EGFLAM: variants seen among roughly 807,000 people sequenced by gnomAD.
EGFLAM encodes the protein EGF like, fibronectin type III and laminin G domains.
EGFLAM carries 79 observed loss-of-function variants against 113.1 expected under a neutral mutation model. That is an observed-to-expected ratio of 0.70 (90% CI 0.58 to 0.84). The LOEUF (loss-of-function observed/expected upper bound fraction) is 0.84, where lower values mean the gene tolerates loss of function less well. Ranked by LOEUF, EGFLAM falls within the 40% of genes least tolerant of loss-of-function variation. EGFLAM has a pLI of 0.00. For missense variants in EGFLAM, 1,265 were observed against 1,291.6 expected, an observed-to-expected ratio of 0.98 and a Z score of 0.32; for synonymous variants, 504 against 487.6, an observed-to-expected ratio of 1.03 and a Z score of -0.44.
chr5:38,298,467 C>A (rs546291736), intron 1 of EGFLAM, among the ~76,000 whole-genome samples: 2 of 152,128 alleles, frequency 1.3e-5, no homozygotes, highest in Non-Finnish European at 2.9e-5. Context: ...AGCCCCAATT[C>A]GTTGGATCAT....
intron 1 of EGFLAM, among the ~76,000 whole-genome samples, chr5:38,295,845 T>C (rs905467580): frequency 2.0e-5 from 3 of 152,218 alleles, no homozygotes; most frequent in African/African-American, 4.8e-5. Flanking sequence ...AACTCTATAT[T>C]GTGAAGGCAA....
chr5:38,403,809 G>A, intron 6 of EGFLAM: 1 of 1,613,108 alleles, frequency 6.2e-7, no homozygotes, highest in Non-Finnish European at 8.5e-7. Flanking sequence ...AGAGGAAGGA[G>A]CTGTCCTCAA....
At position 38,463,878 on chromosome 5, in the gene EGFLAM, A is replaced by AGGGCTCGT. The variant is rs1247928710; in HGVS notation, c.2928_2935dup (p.Cys979SerfsTer80). ...TGCACACTAACAGGCAATATATGAG[A>AGGGCTCGT]GGGCTCGTGGGCTGTATCTCTCACT... On this transcript the variant is annotated frameshift_variant, in exon 22 of 22. Transcript: ENST00000322350. LOFTEE classifies it high-confidence loss of function. The AGGGCTCGT allele has an allele frequency of 1.2e-5, 20 of 1,614,096 alleles. No individual in the cohort carries two copies. Among genetic ancestry groups the AGGGCTCGT allele is most frequent in the African/African-American group, 1.3e-5 (1 of 74,942 alleles).
intron 1 of EGFLAM, among the ~76,000 whole-genome samples, chr5:38,284,636 T>C (rs570165308): frequency 1.3e-5 from 2 of 152,326 alleles, no homozygotes; most frequent in East Asian, 1.9e-4. Flanking sequence ...ATCACTGACA[T>C]TGTGAACATT....
At chr5:38,299,403 G>T (rs780359289) in intron 1 of EGFLAM, among the ~76,000 whole-genome samples, 3 of 152,204 alleles carry the variant, frequency 2.0e-5, no homozygotes, top group Non-Finnish European at 2.9e-5. Flanking sequence ...CCAAGGTGAG[G>T]CTTGGCTATG....
At chr5:38,321,765 C>A (rs532796924) in intron 1 of EGFLAM, among the ~76,000 whole-genome samples, 1 of 152,280 alleles carries the variant, frequency 6.6e-6, no homozygotes, top group Admixed American at 6.5e-5. Flanking sequence ...CATTTACAAC[C>A]CAGCTGAGCC....
At chr5:38,301,643 T>G (rs1475527022) in intron 1 of EGFLAM, among the ~76,000 whole-genome samples, 1 of 152,152 alleles carries the variant, frequency 6.6e-6, no homozygotes, top group South Asian at 2.1e-4. Flanking sequence ...AATAGCATTA[T>G]GACATCTTTC....
At chr5:38,462,370 A>T (rs907663562) in intron 20 of EGFLAM, among the ~76,000 whole-genome samples, 1 of 152,090 alleles carries the variant, frequency 6.6e-6, no homozygotes, top group Admixed American at 6.5e-5. Context: ...CCTTCAGGAT[A>T]AATTCTCAAC....
In EGFLAM at chr5:38,438,389, C is replaced by T. The variant is rs200790571; in HGVS notation, c.2398C>T (p.Arg800Trp). ...RAPCAHGGSCRPRKEGYDCDC... is the reference protein window; with the variant it reads ...RAPCAHGGSCWPRKEGYDCDC... Reference sequence around the variant, plus strand: ...CCCTTGTGCCCATGGGGGCAGCTGCCGGCCCAGGAAGGAGGGCTATGACTG... The same window carrying T: ...CCCTTGTGCCCATGGGGGCAGCTGCTGGCCCAGGAAGGAGGGCTATGACTG... The change falls in exon 17 of 22, where the codon CGG becomes TGG. Residue 800 changes from arginine (R) to tryptophan (W), a missense_variant. By Grantham distance (101) the Arg-to-Trp change is moderately radical. Coordinates refer to ENST00000322350, the MANE Select transcript of EGFLAM (RefSeq NM_152403.4). The T allele has an allele frequency of 2.2e-5, 36 of 1,613,920 alleles. No homozygotes were observed. Among genetic ancestry groups the T allele is most frequent in the South Asian group, 7.7e-5 (7 of 90,974 alleles).
intron 9 of EGFLAM, among the ~76,000 whole-genome samples, chr5:38,408,303 CT>C (rs1279931214): frequency 1.3e-5 from 2 of 152,228 alleles, no homozygotes; most frequent in Admixed American, 6.5e-5. Flanking sequence ...ATAGCTGTCA[CT>C]GAACAAATAG....
At chr5:38,452,039 T>TC (rs1742935152) in intron 19 of EGFLAM, among the ~76,000 whole-genome samples, 2 of 145,094 alleles carry the variant, frequency 1.4e-5, no homozygotes, top group African/African-American at 5.3e-5. Context: ...AACAGGACTT[T>TC]TTTTTTTTTT....
intron 6 of EGFLAM, among the ~76,000 whole-genome samples, chr5:38,372,524 A>G (rs1184367939): frequency 6.6e-6 from 1 of 152,092 alleles, no homozygotes; most frequent in African/African-American, 2.4e-5. Flanking sequence ...TAATTTCCCC[A>G]TTGCTGGATC....
intron 5 of EGFLAM, among the ~76,000 whole-genome samples, chr5:38,356,322 C>T (rs529866057): frequency 2.6e-5 from 4 of 152,296 alleles, no homozygotes; most frequent in South Asian, 2.1e-4. Context: ...CCCCTATTTC[C>T]TCTTCTGTAA....
chr5:38,273,039 G>A (rs535237059), intron 1 of EGFLAM, among the ~76,000 whole-genome samples: 2 of 151,808 alleles, frequency 1.3e-5, no homozygotes, highest in East Asian at 3.9e-4. Flanking sequence ...ACAAGAGCTA[G>A]AGAAACCAGG....
intron 6 of EGFLAM, among the ~76,000 whole-genome samples, chr5:38,396,473 A>T (rs1740965501): frequency 6.6e-6 from 1 of 152,348 alleles, no homozygotes; most frequent in African/African-American, 2.4e-5. Flanking sequence ...TGCATTTACC[A>T]TGTGCAGAGC....
intron 1 of EGFLAM, among the ~76,000 whole-genome samples, chr5:38,333,916 G>GTTTTTTTTTTTTTT: frequency 3.4e-5 from 1 of 29,308 alleles, no homozygotes; most frequent in Non-Finnish European, 5.7e-5. Flanking sequence ...ATTGTTGAGG[G>GTTTTTTTTTTTTTT]TTTTTTTTTT....
intron 5 of EGFLAM, among the ~76,000 whole-genome samples, chr5:38,355,496 C>T (rs548211957): frequency 1.7e-4 from 26 of 152,188 alleles, no homozygotes; most frequent in African/African-American, 5.5e-4. Context: ...GTGAAATGGC[C>T]CCAGAGGCAT....
intron 15 of EGFLAM, among the ~76,000 whole-genome samples, chr5:38,431,520 T>A (rs181630782): frequency 1.7e-4 from 26 of 152,348 alleles, no homozygotes; most frequent in African/African-American, 5.8e-4. Flanking sequence ...AATGAGTTGA[T>A]ACCCAATACA....
At chr5:38,388,440 T>G (rs969830318) in intron 6 of EGFLAM, among the ~76,000 whole-genome samples, 2 of 152,072 alleles carry the variant, frequency 1.3e-5, no homozygotes, top group African/African-American at 4.8e-5. Flanking sequence ...GGCAATGTGG[T>G]GAAACCCTGT....
Sources: allele counts gnomAD v4.1 joint callset (sites outside exome capture counted in the v4.1 genomes callset), GRCh38; gene constraint gnomAD v4.1.1; transcripts MANE v1.5; gene names NCBI Gene and HGNC (gene_info 2026-07-23, HGNC 2026-07-21).